The following PSEN1 variants were observed in gnomAD, a reference collection of about 807,000 sequenced individuals.
The protein encoded by PSEN1 is presenilin-1.
PSEN1 carries 15 observed loss-of-function variants against 53.5 expected under a neutral mutation model. The ratio of observed to expected loss-of-function variants is 0.28; its 90% CI spans 0.19 to 0.43. The LOEUF (loss-of-function observed/expected upper bound fraction) is 0.43. PSEN1 is among the 20% of genes least tolerant of loss of function. The pLI is 1.00. For missense variants in PSEN1, 387 were observed against 571.2 expected (o/e 0.68, Z 3.29); for synonymous variants, 208 against 209.8 (o/e 0.99, Z 0.08).
At chr14:73,212,514 C>T (rs1032472501) in intron 10 of PSEN1, among the ~76,000 whole-genome samples, 5 of 152,052 alleles carry the variant, frequency 3.3e-5, no homozygotes, top group African/African-American at 7.2e-5. Context: ...CCTTCATGGC[C>T]GTAATACATT....
chr14:73,150,859 A>G (rs977733899), intron 3 of PSEN1, among the ~76,000 whole-genome samples: 2 of 151,934 alleles, frequency 1.3e-5, no homozygotes, highest in African/African-American at 4.8e-5. Flanking sequence ...CACGAGGTCA[A>G]GAGACAGACC....
At chr14:73,138,613 A>C (rs1351930461) in intron 1 of PSEN1, among the ~76,000 whole-genome samples, 1 of 152,004 alleles carries the variant, frequency 6.6e-6, no homozygotes, top group Admixed American at 6.6e-5. Context: ...TTGGCCTCCC[A>C]GAGTGGTGGG....
chr14:73,193,374 G>A (rs188440882), intron 7 of PSEN1, among the ~76,000 whole-genome samples: 200 of 151,574 alleles, frequency 1.3e-3, no homozygotes, highest in Admixed American at 5.3e-3. Context: ...GTGAAACCCC[G>A]TCTCTACTAA....
intron 6 of PSEN1, among the ~76,000 whole-genome samples, chr14:73,188,395 T>C (rs1241534186): frequency 6.6e-6 from 1 of 152,172 alleles, no homozygotes; most frequent in Admixed American, 6.5e-5. Flanking sequence ...GGCTCATGTT[T>C]ATAATCTCAA....
At chr14:73,139,595 A>C (rs559257889) in intron 1 of PSEN1, among the ~76,000 whole-genome samples, 2 of 152,166 alleles carry the variant, frequency 1.3e-5, no homozygotes, top group African/African-American at 4.8e-5. Flanking sequence ...AAGAAAAAAA[A>C]GGGGGGCAAA....
At position 73,219,961 on chromosome 14, in the gene PSEN1, G is replaced by A. The variant is rs192897390; in HGVS notation, c.*672G>A. 331 of 152,646 alleles carry A rather than the reference G, an allele frequency of 2.2e-3. No individual in the cohort carries two copies. Among genetic ancestry groups the A allele is most frequent in the Non-Finnish European group, 3.3e-3 (226 of 68,332 alleles). 9.5% of individuals were successfully genotyped at this position (152,646 alleles called of 1,614,324 possible). A position where few individuals can be genotyped will look rare whatever the true frequency, so the allele number is the denominator to read the frequency against. ...TTCTCAAGCACTGACACTCATTACC[G>A]TCTGTGATTGCCATTTCTTCCCAAG... On this transcript the variant is annotated 3_prime_UTR_variant, in exon 12 of 12. Transcript: ENST00000324501.
At chr14:73,170,529 T>G (rs1233366171) in intron 3 of PSEN1, among the ~76,000 whole-genome samples, 3 of 152,220 alleles carry the variant, frequency 2.0e-5, no homozygotes, top group Non-Finnish European at 4.4e-5. Context: ...AAGGTACATC[T>G]CAAAGGATAA....
At chr14:73,182,818 G>A (rs938249231) in intron 5 of PSEN1, among the ~76,000 whole-genome samples, 2 of 152,120 alleles carry the variant, frequency 1.3e-5, no homozygotes, top group Middle Eastern at 3.4e-3. Flanking sequence ...CAGCCTGGGC[G>A]ACAAAGTGAG....
chr14:73,170,738 C>T (rs963157591), intron 3 of PSEN1, 59 bp from the exon 4 acceptor site: 13 of 1,591,118 alleles, frequency 8.2e-6, no homozygotes, highest in Middle Eastern at 1.7e-4. Context: ...CAGGTCTAAC[C>T]GTTACCTTGA....
chr14:73,197,905 G>C, intron 7 of PSEN1, 126 bp from the exon 8 acceptor site: 8 of 629,050 alleles, frequency 1.3e-5, no homozygotes, highest in South Asian at 1.7e-5. Context: ...TTCATTCAAC[G>C]TCTTTTTGTG....
chr14:73,148,227 T>C (rs1897125321), intron 3 of PSEN1, 121 bp downstream of exon 3: 1 of 806,468 alleles, frequency 1.2e-6, no homozygotes, highest in Non-Finnish European at 2.1e-6. Flanking sequence ...ATTTATAATA[T>C]ATTTGGTGAA....
chr14:73,197,899 T>C (rs923580231), intron 7 of PSEN1, 132 bp from the exon 8 acceptor site: 38 of 646,770 alleles, frequency 5.9e-5, no homozygotes, highest in Non-Finnish European at 9.0e-5. Flanking sequence ...TTCATATTCA[T>C]TCAACGTCTT....
At chr14:73,155,427 A>T (rs1194890190) in intron 3 of PSEN1, among the ~76,000 whole-genome samples, 1 of 152,256 alleles carries the variant, frequency 6.6e-6, no homozygotes, top group Non-Finnish European at 1.5e-5. Context: ...AATAAATATT[A>T]ACATTTCTTA....
At chr14:73,213,909 A>G (rs1194131451) in intron 10 of PSEN1, among the ~76,000 whole-genome samples, 1 of 152,222 alleles carries the variant, frequency 6.6e-6, no homozygotes, top group Non-Finnish European at 1.5e-5. Flanking sequence ...GTAAAATAGT[A>G]TAGTGATTTT....
At chr14:73,188,082 C>T (rs1046037498) in intron 6 of PSEN1, among the ~76,000 whole-genome samples, 3 of 152,104 alleles carry the variant, frequency 2.0e-5, no homozygotes, top group African/African-American at 7.2e-5. Flanking sequence ...GTGCGCACCA[C>T]CATGCCCAGC....
At position 73,219,726 on chromosome 14, in the gene PSEN1, C is replaced by G. The variant is rs533857724; in HGVS notation, c.*437C>G. 1 of 218,066 alleles carries G rather than the reference C, an allele frequency of 4.6e-6. No individual in the cohort carries two copies. The highest frequency in any genetic ancestry group is 5.3e-5 in the Admixed American group (1 of 19,030). The allele number at this position is 218,066 out of a possible 1,614,324, so 13.5% of individuals were successfully genotyped here. On this transcript the variant is annotated 3_prime_UTR_variant, in exon 12 of 12. Coordinates refer to ENST00000324501, the MANE Select transcript of PSEN1 (RefSeq NM_000021.4). ...CTTAAACTACACGTTGAAAATCAAC[C>G]CAATAATTCTGTATTAACTGAATTC...
intron 1 of PSEN1, among the ~76,000 whole-genome samples, chr14:73,140,068 C>G (rs1258868121): frequency 6.6e-5 from 10 of 151,926 alleles, no homozygotes; most frequent in Admixed American, 5.9e-4. Context: ...ATCATATCTC[C>G]CTTATAGAGT....
intron 6 of PSEN1, among the ~76,000 whole-genome samples, chr14:73,188,230 A>T (rs1337865052): frequency 6.6e-6 from 1 of 152,080 alleles, no homozygotes; most frequent in African/African-American, 2.4e-5. Context: ...ACCCTGCCAT[A>T]ATAATACATT....
chr14:73,153,441 G>T (rs1407305693), intron 3 of PSEN1, among the ~76,000 whole-genome samples: 1 of 152,184 alleles, frequency 6.6e-6, no homozygotes, highest in Non-Finnish European at 1.5e-5. Context: ...TTAGAGGAAT[G>T]GTTAAACCTC....
Sources: gnomAD v4.1 joint callset for allele counts (sites outside exome capture counted in the v4.1 genomes callset) on GRCh38, gnomAD v4.1.1 for gene constraint, MANE v1.5 for transcripts, NCBI Gene and HGNC (gene_info 2026-07-23, HGNC 2026-07-21) for gene names.